Variants in TPCN2 observed in about 807,000 individuals in gnomAD.
TPCN2 encodes the protein two pore channel protein 2.
TPCN2 carries 92 observed loss-of-function variants against 111.4 expected under a neutral mutation model. The ratio of observed to expected loss-of-function variants is 0.83; its 90% CI spans 0.70 to 0.98. The LOEUF is 0.98. Ranked by LOEUF, TPCN2 falls within the 50% of genes least tolerant of loss-of-function variation. TPCN2 has a pLI of 0.00. For synonymous variants in TPCN2, 405 were observed against 414.5 expected, an observed-to-expected ratio of 0.98 and a Z score of 0.28; for missense variants, 995 against 980.1, an observed-to-expected ratio of 1.02 and a Z score of -0.20.
At chr11:69,072,871 A>C (rs1590734295) in intron 12 of TPCN2, 44 bp from the exon 13 acceptor site, 1 of 1,556,094 alleles carries the variant, frequency 6.4e-7, no homozygotes, top group Non-Finnish European at 8.9e-7. Flanking sequence ...GAGGGCGCTC[A>C]CCTTCCCGTG....
Position 69,062,938 on chromosome 11 carries a change from A to G in TPCN2, c.601A>G (p.Met201Val), listed in dbSNP as rs779932260. Reference protein sequence around the residue: ...RPFFLLQNSSMMKKTLKCIRW... With the variant: ...RPFFLLQNSSVMKKTLKCIRW... The stretch of plus-strand genomic sequence containing the variant: ...CTTCTTCCTGCTGCAGAACTCCTCT[A>G]TGATGAAGAAGACCTTGAAATGCAT... Residue 201 changes from methionine to valine, a missense_variant, in exon 6 of 25, where the codon ATG becomes GTG. Physicochemically the swap from Met to Val is conservative, Grantham distance 21. Transcript: ENST00000294309. 59 of 1,613,808 alleles carry G rather than the reference A, an allele frequency of 3.7e-5. No individual in the cohort carries two copies. The highest frequency in any genetic ancestry group is 6.7e-5 in the East Asian group (3 of 44,836).
At chr11:69,087,269 G>T (rs1372976213) in intron 24 of TPCN2, 63 bp downstream of exon 24, 4 of 1,494,724 alleles carry the variant, frequency 2.7e-6, no homozygotes, top group East Asian at 2.3e-5. Context: ...GAGCTGGGGG[G>T]TGGAGGGGTT....
chr11:69,078,388 A>C, intron 13 of TPCN2, 94 bp from the exon 14 acceptor site: 1 of 1,525,714 alleles, frequency 6.6e-7, no homozygotes, highest in Non-Finnish European at 8.9e-7. Flanking sequence ...GTAGGAAAAA[A>C]TCAAATCCCA....
chr11:69,060,833 C>T (rs1229352156), intron 5 of TPCN2, among the ~76,000 whole-genome samples: 1 of 152,182 alleles, frequency 6.6e-6, no homozygotes, highest in African/African-American at 2.4e-5. Flanking sequence ...GCCCTAAGAC[C>T]AGAGTTTCCA....
At position 69,084,024 on chromosome 11, in the gene TPCN2, C is replaced by A. The variant is rs549532226; in HGVS notation, c.1761+8C>A. 3 of 1,613,974 alleles carry A rather than the reference C, an allele frequency of 1.9e-6. No homozygotes were observed. In the African/African-American group the frequency reaches 4.0e-5, roughly 22 times the overall value. On this transcript the variant is annotated splice_region_variant and intron_variant, in intron 19 of 24. Transcript: ENST00000294309. ...TTTGGCGGGATCCTGGTGGTGAGTCCCAGGCTGCTGCTGGTGGCGGGTTAT... is the reference window on the plus strand; with the variant it reads ...TTTGGCGGGATCCTGGTGGTGAGTCACAGGCTGCTGCTGGTGGCGGGTTAT...
chr11:69,085,274 C>T lies in TPCN2; in HGVS notation c.1826C>T (p.Pro609Leu), dbSNP rs768569768. The change falls in exon 20 of 25, where the codon CCT becomes CTT. Residue 609 changes from proline (P) to leucine (L), a missense_variant. Transcript: ENST00000294309. ...TTTAGAGGCGTCATTGTGGCTCTTC[C>T]TGGAAACAGCAGGTGAGGTGGGGTC... ...NLFRGVIVAL[P>L]GNSSLAPANG... 29 of 1,570,992 alleles carry T rather than the reference C, an allele frequency of 1.8e-5. No homozygotes were observed. The South Asian group carries it at 3.1e-4, about 17-fold the overall frequency.
chr11:69,073,991 C>T (rs1319122605), intron 13 of TPCN2, among the ~76,000 whole-genome samples: 2 of 152,324 alleles, frequency 1.3e-5, no homozygotes, highest in East Asian at 3.9e-4. Flanking sequence ...ATTCTAATGG[C>T]CTTGTTTTAA....
At chr11:69,072,229 C>CA (rs931642098) in intron 11 of TPCN2, among the ~76,000 whole-genome samples, 14 of 152,278 alleles carry the variant, frequency 9.2e-5, no homozygotes, top group African/African-American at 3.4e-4. Flanking sequence ...TCTTCGTGCC[C>CA]CCCGGGGACC....
intron 13 of TPCN2, among the ~76,000 whole-genome samples, chr11:69,076,978 TGTC>T (rs1855798618): frequency 5.7e-5 from 5 of 87,698 alleles, no homozygotes; most frequent in Non-Finnish European, 6.9e-5. Context: ...CCTCCTGCCA[TGTC>T]CCTCCACCTG....
In TPCN2 at chr11:69,078,537, T is replaced by G. The variant is rs1855884575; in HGVS notation, c.1286T>G (p.Phe429Cys). 6.2e-7 allele frequency: 1 copy of G among 1,614,162 alleles called. No homozygotes were observed. Among genetic ancestry groups the G allele is most frequent in the Non-Finnish European group, 8.5e-7 (1 of 1,180,030 alleles). ...TTTCTGCAGAGCGCCCAGTTCCTCTTCGGCCACTACTACTTTGACTACCTG... is the reference window on the plus strand; with the variant it reads ...TTTCTGCAGAGCGCCCAGTTCCTCTGCGGCCACTACTACTTTGACTACCTG... ...SPFLQSAQFLFGHYYFDYLGN... is the reference protein window; with the variant it reads ...SPFLQSAQFLCGHYYFDYLGN... The change falls in exon 14 of 25, where the codon TTC (phenylalanine) becomes TGC (cysteine). Residue 429 changes from phenylalanine (F) to cysteine (C), a missense_variant. Coordinates refer to ENST00000294309, the MANE Select transcript of TPCN2 (RefSeq NM_139075.4).
rs1854680490 is a variant in TPCN2 at position 69,054,808 on chromosome 11, AC to A, written c.251+14del. 1.2e-6 allele frequency: 2 copies of A among 1,612,614 alleles called. No individual in the cohort carries two copies. Among genetic ancestry groups the A allele is most frequent in the Non-Finnish European group, 1.7e-6 (2 of 1,178,940 alleles). On this transcript the variant is annotated intron_variant, in intron 3 of 24. Coordinates refer to ENST00000294309, the MANE Select transcript of TPCN2 (RefSeq NM_139075.4). ...GAACGTATGCCAACGGTGAGAACGC[AC>A]CCATGTGGAACTCAGGGTTCCTGCC...
chr11:69,086,704 A>G, intron 23 of TPCN2, 100 bp downstream of exon 23: 4 of 1,165,184 alleles, frequency 3.4e-6, no homozygotes, highest in South Asian at 1.2e-5. Context: ...TGGAACTTTG[A>G]TGGGAGAGTC....
Position 69,085,197 on chromosome 11 carries a change from C to T in TPCN2, c.1762-13C>T, listed in dbSNP as rs754601442. 4.3e-6 allele frequency: 7 copies of T among 1,613,978 alleles called. No homozygotes were observed. The South Asian group carries it at 6.6e-5, about 15-fold the overall frequency. On this transcript the variant is annotated splice_polypyrimidine_tract_variant and intron_variant, in intron 19 of 24. Coordinates refer to ENST00000294309, the MANE Select transcript of TPCN2 (RefSeq NM_139075.4). ...GGGTGGGGCTGATCAGTCCCCGGCTCCTGGCCCGCCAGGTGGTCTACTACG... is the reference window on the plus strand; with the variant it reads ...GGGTGGGGCTGATCAGTCCCCGGCTTCTGGCCCGCCAGGTGGTCTACTACG...
intron 8 of TPCN2, 102 bp from the exon 9 acceptor site, chr11:69,070,328 G>T: frequency 1.1e-6 from 1 of 942,890 alleles, no homozygotes. Flanking sequence ...GCTCAGCAAT[G>T]GAGACCTCCT....
chr11:69,054,480 G>A (rs1422436473), intron 2 of TPCN2: 55 of 572,930 alleles, frequency 9.6e-5, no homozygotes, highest in Non-Finnish European at 1.5e-4. Context: ...TTCCCTGAGT[G>A]TTTGCTCACG....
intron 24 of TPCN2, 57 bp from the exon 25 acceptor site, chr11:69,087,818 A>C (rs1856345511): frequency 7.0e-7 from 1 of 1,431,046 alleles, no homozygotes. Flanking sequence ...TCTTGTGGGC[A>C]GGCCAGGGTC....
At chr11:69,080,291 G>A (rs1377895363) in intron 17 of TPCN2, among the ~76,000 whole-genome samples, 1 of 152,220 alleles carries the variant, frequency 6.6e-6, no homozygotes, top group African/African-American at 2.4e-5. Flanking sequence ...GAGAGCCCCT[G>A]CCTCACAGTG....
chr11:69,076,676 C>T (rs1855771045), intron 13 of TPCN2, among the ~76,000 whole-genome samples: 1 of 88,322 alleles, frequency 1.1e-5, no homozygotes, highest in Non-Finnish European at 2.3e-5. Flanking sequence ...TGCCCTCCTG[C>T]CGTGTCCCTC....
chr11:69,055,467 A>T (rs2134521394), intron 4 of TPCN2, 115 bp downstream of exon 4: 1 of 1,143,166 alleles, frequency 8.7e-7, no homozygotes. Flanking sequence ...CAGACTTTGT[A>T]CTTTGACCCG....
Sources: gnomAD v4.1 joint callset for allele counts (sites outside exome capture counted in the v4.1 genomes callset) on GRCh38, gnomAD v4.1.1 for gene constraint, MANE v1.5 for transcripts, NCBI Gene and HGNC (gene_info 2026-07-23, HGNC 2026-07-21) for gene names.